The following CUX1 variants were observed in gnomAD, a reference collection of about 807,000 sequenced individuals.
The protein encoded by CUX1 is protein CASP.
CUX1 carries 31 observed loss-of-function variants against 158.8 expected under a neutral mutation model. That is an observed-to-expected ratio of 0.20 (90% CI 0.15 to 0.26). The LOEUF (loss-of-function observed/expected upper bound fraction) is 0.26. CUX1 is among the 10% of genes least tolerant of loss of function. The pLI is 1.00. For synonymous variants in CUX1, 879 were observed against 862.1 expected, an observed-to-expected ratio of 1.02 and a Z score of -0.34; for missense variants, 1,589 against 2,014.6, an observed-to-expected ratio of 0.79 and a Z score of 4.04.
At chr7:102,011,236 G>A (rs557089433) in intron 2 of CUX1, among the ~76,000 whole-genome samples, 4 of 152,050 alleles carry the variant, frequency 2.6e-5, no homozygotes, top group Non-Finnish European at 5.9e-5. Flanking sequence ...GAGTCTTGAA[G>A]CATTCACACC....
intron 1 of CUX1, among the ~76,000 whole-genome samples, chr7:101,860,311 A>G (rs1403182646): frequency 6.6e-6 from 1 of 152,160 alleles, no homozygotes; most frequent in East Asian, 1.9e-4. Context: ...GTCTAGTTTC[A>G]TCTCCGCCCC....
At chr7:102,172,699 T>G (rs1554510750) in intron 10 of CUX1, among the ~76,000 whole-genome samples, 1 of 152,194 alleles carries the variant, frequency 6.6e-6, no homozygotes, top group Admixed American at 6.5e-5. Context: ...CAGGAATGAA[T>G]CTAGATCAAG....
At chr7:101,898,556 A>G (rs1801774955) in intron 1 of CUX1, among the ~76,000 whole-genome samples, 1 of 147,128 alleles carries the variant, frequency 6.8e-6, no homozygotes. Flanking sequence ...TCCTTCAGAG[A>G]CTATTCTTGT....
chr7:101,845,666 G>T (rs1275495700), intron 1 of CUX1, among the ~76,000 whole-genome samples: 1 of 152,162 alleles, frequency 6.6e-6, no homozygotes, highest in Non-Finnish European at 1.5e-5. Flanking sequence ...TTAGCCCCTT[G>T]CTAGGCAAAG....
intron 1 of CUX1, among the ~76,000 whole-genome samples, chr7:101,884,151 T>C (rs1484835134): frequency 6.6e-6 from 1 of 152,212 alleles, no homozygotes; most frequent in Non-Finnish European, 1.5e-5. Flanking sequence ...TGCCTTGGCC[T>C]CCCAAAGTGC....
upstream of CUX1, chr7:101,816,031 A>G: frequency 1.4e-6 from 2 of 1,424,872 alleles, no homozygotes; most frequent in Non-Finnish European, 9.4e-7. Flanking sequence ...ATGTCTCAAG[A>G]TGGCGGCCAA....
intron 22 of CUX1, chr7:102,282,867 C>T (rs1202737506): frequency 6.2e-5 from 63 of 1,017,644 alleles, no homozygotes; most frequent in Middle Eastern, 3.2e-4. Context: ...ATGTCCCCCA[C>T]TCCTTAGCCC....
chr7:101,894,138 T>C (rs558647309), intron 1 of CUX1, among the ~76,000 whole-genome samples: 1 of 152,322 alleles, frequency 6.6e-6, no homozygotes, highest in East Asian at 1.9e-4. Context: ...ATCATCACCA[T>C]AGTGGGTCGC....
chr7:101,917,874 G>A (rs900228544), intron 2 of CUX1, among the ~76,000 whole-genome samples: 2 of 152,146 alleles, frequency 1.3e-5, no homozygotes, highest in Admixed American at 6.6e-5. Context: ...AGTGGCTCAC[G>A]CCTATAATTT....
chr7:101,817,502 G>A, upstream of CUX1: 3 of 1,133,346 alleles, frequency 2.6e-6, no homozygotes, highest in Non-Finnish European at 3.2e-6. The surrounding 1 kb of genome is among the most constrained non-coding windows in gnomAD (Gnocchi z 4.1). Flanking sequence ...GCCCGCGCCC[G>A]AGTCGCCGCC....
In CUX1 at chr7:102,252,280, A is replaced by AG. The variant is rs1279478225; in HGVS notation, c.*3238_*3239insG. 1.0e-6 allele frequency: 1 copy of AG among 985,302 alleles called. No homozygotes were observed. Among genetic ancestry groups the AG allele is most frequent in the African/African-American group, 1.7e-5 (1 of 57,226 alleles). 61.0% of individuals were successfully genotyped at this position (985,302 alleles called of 1,614,324 possible). ...CCCCTCAGTTGGAGTCTAAGGGTTA[A>AG]TCTCTCATCTTGCTAAGCAGTATTC... On this transcript the variant is annotated 3_prime_UTR_variant, in exon 24 of 24. Coordinates refer to ENST00000292535, the MANE Select transcript of CUX1 (RefSeq NM_181552.4).
At chr7:102,265,609 A>G (rs1184373317) in intron 14 of CUX1, among the ~76,000 whole-genome samples, 1 of 151,510 alleles carries the variant, frequency 6.6e-6, no homozygotes, top group African/African-American at 2.4e-5. Flanking sequence ...TAATATTTTA[A>G]TTTTTTGTAG....
intron 2 of CUX1, among the ~76,000 whole-genome samples, chr7:101,991,968 C>T (rs202162): frequency 1.3e-5 from 2 of 152,012 alleles, no homozygotes; most frequent in African/African-American, 4.8e-5. Context: ...GAGGCAGGAG[C>T]ATCTCTTGAG....
At chr7:102,206,441 A>G (rs1269619617) in intron 20 of CUX1, among the ~76,000 whole-genome samples, 9 of 152,172 alleles carry the variant, frequency 5.9e-5, no homozygotes, top group Admixed American at 5.9e-4. Flanking sequence ...GAAATAATGG[A>G]CATAGCTGTT....
chr7:101,903,580 G>T (rs977196284), intron 1 of CUX1, among the ~76,000 whole-genome samples: 4 of 152,176 alleles, frequency 2.6e-5, no homozygotes, highest in Non-Finnish European at 5.9e-5. Flanking sequence ...CATGTGGTTT[G>T]AGTAATCCAT....
rs539695496 is a variant in CUX1, at chr7:101,951,890, G to A, written c.141+35665G>A. ...CAGATGGTAAAATACTGTAGGTTTC[G>A]GCAGGGCCATATGGTCTGTTACAAA... On this transcript the variant is annotated intron_variant, in intron 2 of 23. Transcript: ENST00000292535. 5.3e-5 allele frequency among the ~76,000 whole-genome samples: 8 copies of A among 152,322 alleles called. No homozygotes were observed. In the South Asian group the frequency reaches 1.0e-3, roughly 20 times the overall value.
chr7:101,940,737 G>A (rs1225355565), intron 2 of CUX1, among the ~76,000 whole-genome samples: 2 of 152,100 alleles, frequency 1.3e-5, no homozygotes, highest in East Asian at 1.9e-4. Context: ...GCACGTTATT[G>A]ATCAGTCCAC....
chr7:102,113,642 C>G (rs1354938956), intron 7 of CUX1, among the ~76,000 whole-genome samples: 1 of 151,586 alleles, frequency 6.6e-6, no homozygotes, highest in African/African-American at 2.4e-5. Flanking sequence ...ATTGCAGCCT[C>G]AAACTCCTGG....
At chr7:102,161,077 A>C (rs534264994) in intron 9 of CUX1, 2 of 152,310 alleles carry the variant, frequency 1.3e-5, no homozygotes, top group Admixed American at 6.5e-5. Context: ...GGCCGGGCGC[A>C]GTGGCTCACA....
Sources: gnomAD v4.1 joint callset for allele counts (sites outside exome capture counted in the v4.1 genomes callset) on GRCh38, gnomAD v4.1.1 for gene constraint, Gnocchi (gnomAD v3.1) non-coding constraint, MANE v1.5 for transcripts, NCBI Gene and HGNC (gene_info 2026-07-23, HGNC 2026-07-21) for gene names.